The following SEM1 variants were observed in gnomAD, a reference collection of about 807,000 sequenced individuals.
SEM1 encodes 26S proteasome complex subunit SEM1.
Under a neutral mutation model 12.7 loss-of-function variants are expected in SEM1, and 3 were observed. The observed-to-expected ratio is 0.24, with a 90% CI of 0.11 to 0.61. The LOEUF (loss-of-function observed/expected upper bound fraction) is 0.61. SEM1 is among the 20% of genes least tolerant of loss of function. The pLI is 0.88. For missense variants in SEM1, 59 were observed against 81.3 expected (o/e 0.73, Z 1.06); for synonymous variants, 30 against 27.8 (o/e 1.08, Z -0.25).
At chr7:96,597,497 C>G (rs1411292979) in intron 2 of SEM1, among the ~76,000 whole-genome samples, 1 of 151,990 alleles carries the variant, frequency 6.6e-6, no homozygotes, top group Non-Finnish European at 1.5e-5. Context: ...GGTAGCTTAT[C>G]CTTGAGATAT....
At chr7:96,509,773 T>C (rs1017087451) in intron 2 of SEM1, among the ~76,000 whole-genome samples, 1 of 152,134 alleles carries the variant, frequency 6.6e-6, no homozygotes, top group Non-Finnish European at 1.5e-5. Flanking sequence ...AACGTTATGC[T>C]AGGTGAAATA....
intron 2 of SEM1, among the ~76,000 whole-genome samples, chr7:96,604,639 C>G (rs1334256063): frequency 6.6e-6 from 1 of 151,976 alleles, no homozygotes; most frequent in African/African-American, 2.4e-5. Flanking sequence ...AGAATCAGGG[C>G]CGGGTGTGGT....
intron 2 of SEM1, among the ~76,000 whole-genome samples, chr7:96,662,523 G>A (rs745608197): frequency 1.3e-5 from 2 of 152,094 alleles, no homozygotes; most frequent in African/African-American, 2.4e-5. Flanking sequence ...CTGTCAGGGG[G>A]TGGGAGGCAA....
At chr7:96,698,895 G>A (rs897691080) in intron 1 of SEM1, among the ~76,000 whole-genome samples, 6 of 152,272 alleles carry the variant, frequency 3.9e-5, no homozygotes, top group South Asian at 4.1e-4. Context: ...GTGTAAAAGC[G>A]TTCCTACTTC....
At chr7:96,554,546 C>T (rs1369518464) in intron 2 of SEM1, among the ~76,000 whole-genome samples, 1 of 147,748 alleles carries the variant, frequency 6.8e-6, no homozygotes, top group African/African-American at 2.5e-5. Context: ...GGGATGAAGC[C>T]CACTTGATCA....
intron 2 of SEM1, chr7:96,484,961 T>C: frequency 1.7e-6 from 1 of 605,880 alleles, no homozygotes; most frequent in South Asian, 1.6e-5. Flanking sequence ...CTGTTATTCC[T>C]GTTGAGACTG....
At position 96,681,971 on chromosome 7, in the gene SEM1, T is replaced by G. The variant is rs531964328; in HGVS notation, c.171-8112A>C. Reference sequence around the variant, plus strand: ...ACAGCATTGAATCTGTAAATTACTTTGGGCAGTATGGCCATTTTCACGATA... The same window carrying G: ...ACAGCATTGAATCTGTAAATTACTTGGGGCAGTATGGCCATTTTCACGATA... On this transcript the variant is annotated intron_variant, in intron 2 of 2. Transcript: ENST00000413065. Among the ~76,000 whole-genome samples, 6 of 152,324 alleles carry G rather than the reference T, an allele frequency of 3.9e-5. No homozygotes were observed. The East Asian group carries it at 9.6e-4, about 24-fold the overall frequency.
chr7:96,488,008 G>T (rs1389156723), intron 1 of SEM1, among the ~76,000 whole-genome samples: 4 of 140,452 alleles, frequency 2.8e-5, no homozygotes, highest in Non-Finnish European at 5.9e-5. Flanking sequence ...ATTTCTTCTT[G>T]TAAGAAGATA....
At chr7:96,670,882 G>A (rs761589013), downstream of SEM1, among the ~76,000 whole-genome samples, 28 of 152,128 alleles carry the variant, frequency 1.8e-4, no homozygotes, top group Non-Finnish European at 2.9e-4. Context: ...TCTAATAAAT[G>A]TCAATGGGGA....
intron 2 of SEM1, among the ~76,000 whole-genome samples, chr7:96,625,550 A>G (rs1399256075): frequency 6.6e-6 from 1 of 152,224 alleles, no homozygotes; most frequent in African/African-American, 2.4e-5. Flanking sequence ...AATTAAAATC[A>G]TAAGCAAAAT....
chr7:96,605,907 G>T lies in SEM1; in HGVS notation c.170+88891C>A, dbSNP rs145600323. 9.5e-4 allele frequency among the ~76,000 whole-genome samples: 144 copies of T among 152,232 alleles called. 3 individuals carry two copies. In the East Asian group the frequency reaches 0.027, roughly 29 times the overall value. Reference sequence around the variant, plus strand: ...CACTATCCTGCTCCATCCTGCCTGGGATGAGAATCATCTCTTTGTCAAGGG... The same window carrying T: ...CACTATCCTGCTCCATCCTGCCTGGTATGAGAATCATCTCTTTGTCAAGGG... On this transcript the variant is annotated intron_variant and NMD_transcript_variant, in intron 2 of 3. Transcript: ENST00000466986.
chr7:96,568,309 G>T (rs941563595), intron 2 of SEM1, among the ~76,000 whole-genome samples: 1 of 151,568 alleles, frequency 6.6e-6, no homozygotes, highest in Non-Finnish European at 1.5e-5. Context: ...CTGCACTAAG[G>T]TTCTCAACTT....
intron 2 of SEM1, among the ~76,000 whole-genome samples, chr7:96,662,135 C>G (rs1193091905): frequency 2.0e-5 from 3 of 151,978 alleles, no homozygotes; most frequent in Non-Finnish European, 1.5e-5. Flanking sequence ...GGATCTAGAA[C>G]CAGAAATGCC....
intron 2 of SEM1, among the ~76,000 whole-genome samples, chr7:96,641,775 A>G (rs1291679378): frequency 6.6e-6 from 1 of 151,930 alleles, no homozygotes; most frequent in Non-Finnish European, 1.5e-5. Context: ...TATTTTCAGT[A>G]GTCCCCATCG....
intron 1 of SEM1, chr7:96,696,370 T>C (rs145820155): frequency 1.8e-3 from 267 of 151,900 alleles, no homozygotes; most frequent in African/African-American, 6.2e-3. Flanking sequence ...GTTATGACAC[T>C]ACTGAGTAAA....
intron 2 of SEM1, among the ~76,000 whole-genome samples, chr7:96,593,250 G>T (rs970720845): frequency 6.6e-6 from 1 of 152,088 alleles, no homozygotes; most frequent in African/African-American, 2.4e-5. Flanking sequence ...GGTTGATATT[G>T]CGTTCACAAC....
At chr7:96,663,362 G>T in intron 2 of SEM1, among the ~76,000 whole-genome samples, 1 of 152,202 alleles carries the variant, frequency 6.6e-6, no homozygotes, top group East Asian at 1.9e-4. Flanking sequence ...TGCTAGTCTG[G>T]GTTCCCCAGG....
chr7:96,625,262 T>C (rs1808026027), intron 2 of SEM1, among the ~76,000 whole-genome samples: 1 of 152,184 alleles, frequency 6.6e-6, no homozygotes. Flanking sequence ...AGGGTGTCAT[T>C]TCATTTTTAC....
At chr7:96,609,233 G>T (rs977386786) in intron 2 of SEM1, among the ~76,000 whole-genome samples, 1 of 152,114 alleles carries the variant, frequency 6.6e-6, no homozygotes, top group African/African-American at 2.4e-5. Flanking sequence ...GTGTGCCATT[G>T]CTTCTTAATC....
Sources: gnomAD v4.1 joint callset for allele counts (sites outside exome capture counted in the v4.1 genomes callset) on GRCh38, gnomAD v4.1.1 for gene constraint, MANE v1.5 for transcripts, NCBI Gene and HGNC (gene_info 2026-07-23, HGNC 2026-07-21) for gene names.